Variants in ENTPD1 observed in about 807,000 individuals in gnomAD.
The protein encoded by ENTPD1 is ectonucleoside triphosphate diphosphohydrolase 1, also known as ATP diphosphohydrolase.
Under a neutral mutation model 57.0 loss-of-function variants are expected in ENTPD1, and 33 were observed. The ratio of observed to expected loss-of-function variants is 0.58; its 90% CI spans 0.44 to 0.77. The LOEUF (loss-of-function observed/expected upper bound fraction) is 0.77, where lower values mean the gene tolerates loss of function less well. Among genes scored for constraint, ENTPD1 ranks in the 30% least tolerant of loss-of-function variants. ENTPD1 has a pLI of 0.00. For missense variants in ENTPD1, 501 were observed against 603.4 expected, an observed-to-expected ratio of 0.83 and a Z score of 1.78; for synonymous variants, 202 against 218.8, an observed-to-expected ratio of 0.92 and a Z score of 0.68.
chr10:95,694,531 G>C, the ENTPD1 span, among the ~76,000 whole-genome samples: 1 of 151,946 alleles, frequency 6.6e-6, no homozygotes, highest in Non-Finnish European at 1.5e-5. Flanking sequence ...AAGATGGACT[G>C]CATGTTTGTT....
rs749037648 is a variant in ENTPD1 at position 95,870,258 on chromosome 10, C to A, written c.*3875C>A. Reference sequence around the variant, plus strand: ...TAATTCTTGATGCTTACATTCCATACTCAAAATGTAAATTTGAATATTAAA... The same window carrying A: ...TAATTCTTGATGCTTACATTCCATAATCAAAATGTAAATTTGAATATTAAA... On this transcript the variant is annotated 3_prime_UTR_variant, in exon 10 of 10. Coordinates refer to ENST00000371205, the MANE Select transcript of ENTPD1 (RefSeq NM_001776.6). The A allele has an allele frequency of 9.0e-5, 89 of 984,982 alleles. No individual in the cohort carries two copies. Among genetic ancestry groups the A allele is most frequent in the Non-Finnish European group, 1.0e-4 (87 of 829,682 alleles). The allele number at this position is 984,982 out of a possible 1,614,324, so 61.0% of individuals were successfully genotyped here. A position where few individuals can be genotyped will look rare whatever the true frequency, so the allele number is the denominator to read the frequency against.
At chr10:95,816,360 T>G (rs959107123) in intron 1 of ENTPD1, among the ~76,000 whole-genome samples, 3 of 152,182 alleles carry the variant, frequency 2.0e-5, no homozygotes, top group African/African-American at 7.2e-5. Flanking sequence ...TTACTTAATC[T>G]CTCTGTGACT....
intron 1 of ENTPD1, among the ~76,000 whole-genome samples, chr10:95,780,520 T>G (rs2098152884): frequency 6.6e-6 from 1 of 152,232 alleles, no homozygotes; most frequent in Non-Finnish European, 1.5e-5. Flanking sequence ...ACTGTTTTGC[T>G]TTATGAGTCT....
At chr10:95,865,561 G>C (rs975647031) in intron 9 of ENTPD1, among the ~76,000 whole-genome samples, 3 of 152,176 alleles carry the variant, frequency 2.0e-5, no homozygotes, top group African/African-American at 7.2e-5. Flanking sequence ...GCAAAACAAA[G>C]CATTGAGACA....
chr10:95,800,232 C>T (rs959312252), intron 1 of ENTPD1, among the ~76,000 whole-genome samples: 1 of 152,044 alleles, frequency 6.6e-6, no homozygotes, highest in Non-Finnish European at 1.5e-5. Flanking sequence ...GCTGGTCTTC[C>T]GGGGATGTCA....
intron 3 of ENTPD1, among the ~76,000 whole-genome samples, chr10:95,841,400 T>C (rs2098422410): frequency 6.6e-6 from 1 of 151,424 alleles, no homozygotes; most frequent in African/African-American, 2.4e-5. Flanking sequence ...AAAAAAAATC[T>C]AGCAGATGTC....
upstream of ENTPD1, among the ~76,000 whole-genome samples, chr10:95,706,929 G>A (rs537264321): frequency 7.6e-4 from 115 of 152,276 alleles, 1 homozygote; most frequent in African/African-American, 2.6e-3. Flanking sequence ...GGAGAGATCC[G>A]AGCAGGCGCC....
At position 95,790,591 on chromosome 10, in the gene ENTPD1, A is replaced by C. The variant is rs77978726; in HGVS notation, c.17-32646A>C. Among the ~76,000 whole-genome samples the C allele has an allele frequency of 3.3e-3, 504 of 152,306 alleles. 2 individuals carry two copies. The highest frequency in any genetic ancestry group is 0.011 in the African/African-American group (477 of 41,558). On this transcript the variant is annotated intron_variant, in intron 1 of 9. Coordinates refer to ENST00000371205, the MANE Select transcript of ENTPD1 (RefSeq NM_001776.6). ...TACTTATTACCCATCATTACAAACT[A>C]TCAATATTCTGAGTTTTTTTTGTTT...
chr10:95,745,010 T>C (rs1003510287), intron 1 of ENTPD1, among the ~76,000 whole-genome samples: 5 of 152,152 alleles, frequency 3.3e-5, no homozygotes, highest in Admixed American at 2.6e-4. Context: ...TTTTTAAAAA[T>C]ATTTTTAAGT....
chr10:95,800,654 T>A (rs2098245554), intron 1 of ENTPD1, among the ~76,000 whole-genome samples: 1 of 152,158 alleles, frequency 6.6e-6, no homozygotes. Flanking sequence ...TCCCCAGGGT[T>A]ACTCCTTGCT....
chr10:95,844,556 G>A lies in ENTPD1; in HGVS notation c.494G>A (p.Gly165Asp), dbSNP rs2098430052. ...AGCAACTACCCCTTTGACTTCCAGGGTGCCAGGATCATTACTGGCCAAGAG... is the reference window on the plus strand; with the variant it reads ...AGCAACTACCCCTTTGACTTCCAGGATGCCAGGATCATTACTGGCCAAGAG... ...SLSNYPFDFQ[G>D]ARIITGQEEG... is the part of the protein sequence containing the mutation. The change falls in exon 5 of 10, where the codon GGT becomes GAT. Residue 165 changes from glycine (G) to aspartate (D), a missense_variant. Coordinates refer to ENST00000371205, the MANE Select transcript of ENTPD1 (RefSeq NM_001776.6). 10 of 1,614,230 alleles carry A rather than the reference G, an allele frequency of 6.2e-6. No homozygotes were observed. Among genetic ancestry groups the A allele is most frequent in the Non-Finnish European group, 6.8e-6 (8 of 1,180,046 alleles).
chr10:95,765,630 A>G (rs75897868), intron 1 of ENTPD1, among the ~76,000 whole-genome samples: 2,702 of 152,118 alleles, frequency 0.018, 84 homozygotes, highest in African/African-American at 0.062. Flanking sequence ...GAGTCCTCCA[A>G]TTTCATTTTA....
chr10:95,732,773 G>A (rs1343992443), intron 1 of ENTPD1, among the ~76,000 whole-genome samples: 5 of 152,080 alleles, frequency 3.3e-5, no homozygotes, highest in Non-Finnish European at 5.9e-5. Context: ...GTTCCATGAT[G>A]CCCCCCAAGC....
At position 95,793,833 on chromosome 10, in the gene ENTPD1, C is replaced by T. The variant is rs141168436; in HGVS notation, c.17-29404C>T. ...GAAACCAGAACTAACCACTGAGCCA[C>T]GGTGGGTGGTGGTTTGACATTTATG... On this transcript the variant is annotated intron_variant, in intron 1 of 9. Coordinates refer to ENST00000371205, the MANE Select transcript of ENTPD1 (RefSeq NM_001776.6). 1.7e-3 allele frequency among the ~76,000 whole-genome samples: 259 copies of T among 152,064 alleles called. 4 individuals carry two copies. In the Middle Eastern group the frequency reaches 0.02, roughly 12 times the overall value.
chr10:95,726,661 A>G (rs1012493219), intron 1 of ENTPD1, among the ~76,000 whole-genome samples: 2 of 152,222 alleles, frequency 1.3e-5, no homozygotes, highest in African/African-American at 4.8e-5. Flanking sequence ...GTTTCCTTCT[A>G]AAAGTAAAGT....
At chr10:95,788,974 G>A (rs902285744) in intron 1 of ENTPD1, among the ~76,000 whole-genome samples, 3 of 152,150 alleles carry the variant, frequency 2.0e-5, no homozygotes, top group Non-Finnish European at 4.4e-5. Flanking sequence ...ATCTGTTGGC[G>A]ATGAGGCATG....
intron 1 of ENTPD1, among the ~76,000 whole-genome samples, chr10:95,803,501 G>A (rs2098259261): frequency 6.6e-6 from 1 of 152,232 alleles, no homozygotes; most frequent in African/African-American, 2.4e-5. Context: ...CTGCATAGAT[G>A]TCCTCTTTTG....
chr10:95,812,961 A>G (rs2098314030), intron 1 of ENTPD1, among the ~76,000 whole-genome samples: 1 of 151,768 alleles, frequency 6.6e-6, no homozygotes, highest in South Asian at 2.1e-4. Flanking sequence ...CCATTTTTCT[A>G]TTAGGTGAGC....
intron 6 of ENTPD1, among the ~76,000 whole-genome samples, chr10:95,847,196 GC>G (rs2098437390): frequency 6.6e-6 from 1 of 152,086 alleles, no homozygotes; most frequent in African/African-American, 2.4e-5. Context: ...GCATTTCTGG[GC>G]CCAGTTTTAA....
Sources: gnomAD v4.1 joint callset for allele counts (sites outside exome capture counted in the v4.1 genomes callset) on GRCh38, gnomAD v4.1.1 for gene constraint, MANE v1.5 for transcripts, NCBI Gene and HGNC (gene_info 2026-07-23, HGNC 2026-07-21) for gene names.